Variants in KIAA1217 observed in about 807,000 individuals in gnomAD.
The protein encoded by KIAA1217 is KIAA1217, also known as sickle tail protein homolog.
A neutral mutation model predicts 163.9 loss-of-function variants in KIAA1217; 88 were observed. The ratio of observed to expected loss-of-function variants is 0.54; its 90% CI spans 0.45 to 0.64. The LOEUF (loss-of-function observed/expected upper bound fraction) is 0.64, where lower values mean the gene tolerates loss of function less well. Among genes scored for constraint, KIAA1217 ranks in the 30% least tolerant of loss-of-function variants. The pLI, the probability that KIAA1217 is intolerant of heterozygous loss-of-function variation, is 0.00. For synonymous variants in KIAA1217, 903 were observed against 923.1 expected, an observed-to-expected ratio of 0.98 and a Z score of 0.39; for missense variants, 2,372 against 2,475.0, an observed-to-expected ratio of 0.96 and a Z score of 0.88.
At chr10:23,700,561 A>G (rs1052284766) in intron 1 of KIAA1217, among the ~76,000 whole-genome samples, 2 of 151,644 alleles carry the variant, frequency 1.3e-5, no homozygotes, top group African/African-American at 4.8e-5. Flanking sequence ...ACCTGCTCTG[A>G]CTTTCTGATT....
At chr10:24,373,351 T>C (rs4463757) in intron 2 of KIAA1217, among the ~76,000 whole-genome samples, 24,592 of 152,040 alleles carry the variant, frequency 0.16, 2,283 homozygotes, top group South Asian at 0.31. Context: ...ATTAGGAACT[T>C]CCTCCTTTCC....
intron 17 of KIAA1217, among the ~76,000 whole-genome samples, chr10:24,537,589 A>T (rs1320590941): frequency 1.3e-5 from 2 of 151,990 alleles, no homozygotes; most frequent in African/African-American, 4.8e-5. Flanking sequence ...AAAAAAAAAA[A>T]AAAGTAAAAA....
At chr10:23,962,148 G>A (rs1160393072) in intron 1 of KIAA1217, among the ~76,000 whole-genome samples, 1 of 152,186 alleles carries the variant, frequency 6.6e-6, no homozygotes, top group Admixed American at 6.5e-5. Flanking sequence ...TCTGACCAAT[G>A]GAATTACTAG....
At chr10:24,280,300 T>C (rs1483253487) in intron 2 of KIAA1217, among the ~76,000 whole-genome samples, 2 of 152,326 alleles carry the variant, frequency 1.3e-5, no homozygotes, top group South Asian at 4.1e-4. Flanking sequence ...GACAAAAGGC[T>C]AGAAGCCTGT....
intron 1 of KIAA1217, among the ~76,000 whole-genome samples, chr10:23,995,481 T>TGTGTGTGTGTGTGA (rs1302883881): frequency 2.8e-5 from 4 of 144,432 alleles, no homozygotes; most frequent in African/African-American, 1.0e-4. Flanking sequence ...TGTGTGTGTG[T>TGTGTGTGTGTGTGA]GAGTGTGTGT....
intron 2 of KIAA1217, among the ~76,000 whole-genome samples, chr10:24,061,722 T>C (rs1331272118): frequency 7.2e-5 from 11 of 152,218 alleles, no homozygotes; most frequent in Admixed American, 7.2e-4. Context: ...CCCTTCTGAA[T>C]TGCAAGTATT....
chr10:24,421,327 A>C (rs781507189), intron 3 of KIAA1217, among the ~76,000 whole-genome samples: 1 of 152,112 alleles, frequency 6.6e-6, no homozygotes, highest in Non-Finnish European at 1.5e-5. Flanking sequence ...ATTTTTATTA[A>C]ACTGTATTCT....
chr10:24,476,883 C>G (rs2133177371), intron 6 of KIAA1217, among the ~76,000 whole-genome samples: 1 of 152,142 alleles, frequency 6.6e-6, no homozygotes, highest in Admixed American at 6.6e-5. Flanking sequence ...ACACACGACA[C>G]ACACACAAGA....
rs575452783 is a variant in KIAA1217 at position 24,432,938 on chromosome 10, T to C, written c.554-57T>C. 1,381 of 1,412,182 alleles carry C rather than the reference T, an allele frequency of 9.8e-4. 2 individuals are homozygous for C. Among genetic ancestry groups the C allele is most frequent in the Middle Eastern group, 3.9e-3 (22 of 5,572 alleles). 87.5% of individuals were successfully genotyped at this position (1,412,182 alleles called of 1,614,324 possible). A position where few individuals can be genotyped will look rare whatever the true frequency, so the allele number is the denominator to read the frequency against. On this transcript the variant is annotated intron_variant, in intron 3 of 20. Coordinates refer to ENST00000376454, the MANE Select transcript of KIAA1217 (RefSeq NM_019590.5). Reference sequence around the variant, plus strand: ...AGCAGGAAAGAAGTGGCTCAGCTTGTGCTGTGTGTCCCCTGAGTCTTGACC... The same window carrying C: ...AGCAGGAAAGAAGTGGCTCAGCTTGCGCTGTGTGTCCCCTGAGTCTTGACC...
chr10:24,544,102 A>G lies in KIAA1217; in HGVS notation c.4832A>G (p.Asp1611Gly). 1 of 1,614,190 alleles carries G rather than the reference A, an allele frequency of 6.2e-7. No homozygotes were observed. Among genetic ancestry groups the G allele is most frequent in the Non-Finnish European group, 8.5e-7 (1 of 1,180,036 alleles). The change falls in exon 19 of 21, where the codon GAT (aspartate) becomes GGT (glycine). Residue 1611 changes from aspartate to glycine, a missense_variant. By Grantham distance (94) the Asp-to-Gly change is moderately conservative. This residue lies in a region of KIAA1217 where 690 missense variants were observed against 677.5 expected (regional missense o/e 1.02). Coordinates refer to ENST00000376454, the MANE Select transcript of KIAA1217 (RefSeq NM_019590.5). ...QVVVYEEEEE[D>G]GTLKQHKEAK... ...GTAGTCTATGAAGAAGAGGAAGAGG[A>G]TGGCACCCTGAAACAGCACAAAGAA...
intron 1 of KIAA1217, among the ~76,000 whole-genome samples, chr10:23,856,194 G>A (rs550010203): frequency 3.3e-5 from 5 of 152,222 alleles, no homozygotes; most frequent in East Asian, 3.9e-4. Context: ...TTTTTGGTGC[G>A]GATGTCCTTT....
At chr10:24,055,699 G>A (rs1849843306) in intron 2 of KIAA1217, among the ~76,000 whole-genome samples, 1 of 152,012 alleles carries the variant, frequency 6.6e-6, no homozygotes, top group African/African-American at 2.4e-5. Context: ...CTGGCACAAT[G>A]TAAAGTCATT....
intron 2 of KIAA1217, among the ~76,000 whole-genome samples, chr10:24,139,546 G>C (rs184587973): frequency 3.9e-5 from 6 of 151,938 alleles, no homozygotes; most frequent in Non-Finnish European, 8.8e-5. Context: ...GTTTTCAATT[G>C]ATCATCTTTG....
At chr10:24,150,447 T>G (rs2064555670) in intron 2 of KIAA1217, among the ~76,000 whole-genome samples, 1 of 152,188 alleles carries the variant, frequency 6.6e-6, no homozygotes, top group African/African-American at 2.4e-5. Flanking sequence ...TGTCTCACTG[T>G]GGAGTATGGG....
At chr10:23,823,197 G>A (rs527618563) in intron 1 of KIAA1217, among the ~76,000 whole-genome samples, 8 of 152,302 alleles carry the variant, frequency 5.3e-5, no homozygotes, top group African/African-American at 1.7e-4. Context: ...GGCTTTGGGG[G>A]AGATCCACTT....
At chr10:24,291,857 T>G (rs1035257952) in intron 2 of KIAA1217, among the ~76,000 whole-genome samples, 4 of 152,202 alleles carry the variant, frequency 2.6e-5, no homozygotes, top group Non-Finnish European at 5.9e-5. Flanking sequence ...AGTCTAAGAC[T>G]AAAAAATTTG....
At chr10:23,929,660 G>T (rs1400225727) in intron 1 of KIAA1217, among the ~76,000 whole-genome samples, 2 of 152,126 alleles carry the variant, frequency 1.3e-5, no homozygotes, top group African/African-American at 2.4e-5. Context: ...TTTTTTTGTG[G>T]CTGCGTAGTA....
chr10:23,700,918 A>AT (rs11292318), intron 1 of KIAA1217, among the ~76,000 whole-genome samples: 176 of 151,100 alleles, frequency 1.2e-3, no homozygotes, highest in Middle Eastern at 3.4e-3. Context: ...AAAGGAAGAG[A>AT]TTTTTTTTTT....
At chr10:24,119,756 A>G (rs1386882496) in intron 2 of KIAA1217, among the ~76,000 whole-genome samples, 5 of 152,108 alleles carry the variant, frequency 3.3e-5, no homozygotes, top group East Asian at 1.9e-4. Context: ...AAAGTTTGCT[A>G]TTGGAGGGGT....
Sources: gnomAD v4.1 joint callset for allele counts (sites outside exome capture counted in the v4.1 genomes callset) on GRCh38, gnomAD v4.1.1 for gene constraint, gnomAD v4.1.1 regional missense constraint, MANE v1.5 for transcripts, NCBI Gene and HGNC (gene_info 2026-07-23, HGNC 2026-07-21) for gene names.